Variants in KANK1 observed in about 807,000 individuals in gnomAD.
KANK1 encodes the protein KN motif and ankyrin repeat domains 1, also known as KN motif and ankyrin repeat domain-containing protein 1.
Under a neutral mutation model 106.2 loss-of-function variants are expected in KANK1, and 109 were observed. The observed-to-expected ratio is 1.03, with a 90% confidence interval of 0.88 to 1.20. The LOEUF (loss-of-function observed/expected upper bound fraction) is 1.20. Ranked by LOEUF, KANK1 falls within the 50% of genes most tolerant of loss-of-function variation. The pLI, the probability that KANK1 is intolerant of heterozygous loss-of-function variation, is 0.00. For missense variants in KANK1, 2,399 were observed against 1,710.7 expected, an observed-to-expected ratio of 1.40 and a Z score of -7.10; for synonymous variants, 873 against 652.2, an observed-to-expected ratio of 1.34 and a Z score of -5.16.
At chr9:681,825 C>G (rs551841459) in intron 2 of KANK1, among the ~76,000 whole-genome samples, 6 of 152,242 alleles carry the variant, frequency 3.9e-5, no homozygotes, top group Non-Finnish European at 8.8e-5. Context: ...TGGGAGGTGA[C>G]TTTTTATGCC....
intron 1 of KANK1, among the ~76,000 whole-genome samples, chr9:526,040 A>G (rs2059776736): frequency 6.6e-6 from 1 of 151,824 alleles, no homozygotes; most frequent in Non-Finnish European, 1.5e-5. Context: ...GCAAACCCAC[A>G]TGTATCCCTC....
intron 1 of KANK1, among the ~76,000 whole-genome samples, chr9:552,672 T>G (rs1042966672): frequency 6.6e-6 from 1 of 152,232 alleles, no homozygotes; most frequent in African/African-American, 2.4e-5. Flanking sequence ...CATTCTTGAC[T>G]AATCTGCTCA....
intron 1 of KANK1, among the ~76,000 whole-genome samples, chr9:670,824 A>G (rs1187831097): frequency 6.6e-6 from 1 of 152,054 alleles, no homozygotes; most frequent in Non-Finnish European, 1.5e-5. Flanking sequence ...TGTGTGTCCA[A>G]CTTAATCTCA....
intron 1 of KANK1, among the ~76,000 whole-genome samples, chr9:532,011 A>G (rs2060078692): frequency 2.0e-5 from 3 of 152,170 alleles, no homozygotes; most frequent in Non-Finnish European, 4.4e-5. Flanking sequence ...TTCCTGTAAG[A>G]TAATAAGTGT....
intron 1 of KANK1, among the ~76,000 whole-genome samples, chr9:656,765 G>A (rs912171): frequency 0.89 from 135,859 of 152,184 alleles, 60,779 homozygotes; most frequent in East Asian, 0.97. Flanking sequence ...TGAGTCTCCT[G>A]TATTAAAAAG....
chr9:599,762 C>T (rs1827246864), intron 1 of KANK1, among the ~76,000 whole-genome samples: 1 of 151,846 alleles, frequency 6.6e-6, no homozygotes, highest in Non-Finnish European at 1.5e-5. Flanking sequence ...ATTGACTTTT[C>T]ATATACGCAG....
intron 1 of KANK1, among the ~76,000 whole-genome samples, chr9:603,767 C>T (rs1828364727): frequency 2.6e-5 from 4 of 151,334 alleles, no homozygotes. Flanking sequence ...ACCAGTCTGG[C>T]CAATGTGGCG....
intron 2 of KANK1, among the ~76,000 whole-genome samples, chr9:687,786 A>G (rs1218043102): frequency 2.6e-5 from 4 of 152,026 alleles, no homozygotes; most frequent in Non-Finnish European, 5.9e-5. Context: ...TTATTCTGTT[A>G]TTATTCTATT....
intron 1 of KANK1, among the ~76,000 whole-genome samples, chr9:606,165 ACACACACAC>A: frequency 6.6e-6 from 1 of 151,066 alleles, no homozygotes; most frequent in African/African-American, 2.5e-5. Context: ...ACACACACAC[ACACACACAC>A]ACACACACCA....
Position 711,023 on chromosome 9 carries a change from G to A in KANK1, c.257G>A (p.Trp86Ter), listed in dbSNP as rs1193976996. The A allele has an allele frequency of 5.6e-6, 9 of 1,614,142 alleles. No homozygotes were observed. The highest frequency in any genetic ancestry group is 7.6e-6 in the Non-Finnish European group (9 of 1,180,024). Residue 86 changes from tryptophan to a stop codon, truncating the protein, a stop_gained, in exon 3 of 12, where the codon TGG becomes TAG. Transcript: ENST00000382297. LOFTEE classifies it high-confidence loss of function. ...PRTTSGQQGI[W>*]TSTESLSSSN... ...ACCACATCTGGTCAGCAAGGTATAT[G>A]GACTTCCACTGAATCCCTCTCATCC... is the stretch of plus-strand genomic sequence containing the variant.
chr9:600,685 C>G (rs1236023709), intron 1 of KANK1, among the ~76,000 whole-genome samples: 1 of 151,650 alleles, frequency 6.6e-6, no homozygotes, highest in Admixed American at 6.6e-5. Context: ...CACCTCATGC[C>G]CAACATAACT....
chr9:576,781 A>G (rs1395606129), intron 1 of KANK1, among the ~76,000 whole-genome samples: 1 of 151,836 alleles, frequency 6.6e-6, no homozygotes, highest in African/African-American at 2.4e-5. Context: ...GCAAACCATG[A>G]CATTCCCTGT....
In KANK1 at chr9:712,954, T is replaced by C; in HGVS notation, c.2188T>C (p.Ser730Pro). The change falls in exon 3 of 12, where the codon TCC (serine) becomes CCC (proline). Residue 730 changes from serine to proline, a missense_variant. Physicochemically the swap from Ser to Pro is moderately conservative, Grantham distance 74. Coordinates refer to ENST00000382297, the MANE Select transcript of KANK1 (RefSeq NM_015158.5). ...AGGCCGTGTCAAGGACATCAACTCC[T>C]CCACCAAGACGCGGTCCATTGGTGT... is the stretch of plus-strand genomic sequence containing the variant. ...GEGRVKDINS[S>P]TKTRSIGVGT... 3 of 1,614,210 alleles carry C rather than the reference T, an allele frequency of 1.9e-6. No homozygotes were observed. The highest frequency in any genetic ancestry group is 2.2e-5 in the East Asian group (1 of 44,890).
chr9:633,300 C>CA (rs1214058433), intron 1 of KANK1, among the ~76,000 whole-genome samples: 78 of 151,614 alleles, frequency 5.1e-4, no homozygotes, highest in Non-Finnish European at 7.4e-5. Context: ...ACTAAAAATA[C>CA]AAAAAAAATT....
At chr9:586,585 T>C (rs1175090091) in intron 1 of KANK1, among the ~76,000 whole-genome samples, 4 of 152,164 alleles carry the variant, frequency 2.6e-5, no homozygotes, top group Admixed American at 6.5e-5. Flanking sequence ...TTAACAGTTT[T>C]AGGAGAAAAG....
chr9:508,246 C>G (rs1041441232), intron 1 of KANK1, among the ~76,000 whole-genome samples: 2 of 144,422 alleles, frequency 1.4e-5, no homozygotes, highest in African/African-American at 5.0e-5. Flanking sequence ...TCAAGCGATT[C>G]TCTGCCTCAG....
intron 1 of KANK1, among the ~76,000 whole-genome samples, chr9:646,031 C>G (rs1287295300): frequency 6.6e-6 from 1 of 150,768 alleles, no homozygotes; most frequent in African/African-American, 2.5e-5. Context: ...GTAGTAGACC[C>G]ATGGAGCTGA....
At chr9:599,535 T>C (rs12347690) in intron 1 of KANK1, among the ~76,000 whole-genome samples, 10,726 of 151,770 alleles carry the variant, frequency 0.071, 1,173 homozygotes, top group East Asian at 0.24. Context: ...CTATTTTACA[T>C]AATTATAGAT....
intron 2 of KANK1, among the ~76,000 whole-genome samples, chr9:471,190 A>C (rs896616314): frequency 6.6e-6 from 1 of 152,114 alleles, no homozygotes; most frequent in African/African-American, 2.4e-5. Context: ...GATGGACTGC[A>C]CCTCACCCCT....
Sources: gnomAD v4.1 joint callset for allele counts (sites outside exome capture counted in the v4.1 genomes callset) on GRCh38, gnomAD v4.1.1 for gene constraint, MANE v1.5 for transcripts, NCBI Gene and HGNC (gene_info 2026-07-23, HGNC 2026-07-21) for gene names.